Variants in IL17RE observed in about 807,000 individuals in gnomAD.
IL17RE encodes interleukin 17 receptor E.
In IL17RE, 47 loss-of-function variants were observed where a neutral mutation model predicts 70.7. That is an observed-to-expected ratio of 0.67 (90% confidence interval 0.53 to 0.85). The LOEUF (loss-of-function observed/expected upper bound fraction) is 0.85. Among genes scored for constraint, IL17RE ranks in the 40% least tolerant of loss-of-function variants. The pLI is 0.00. For synonymous variants in IL17RE, 372 were observed against 381.2 expected (o/e 0.98, Z 0.28); for missense variants, 850 against 893.9 (o/e 0.95, Z 0.63).
In IL17RE at chr3:9,902,930, C is replaced by T; in HGVS notation, c.-3C>T. ...TCCGGGAGCCCTAATTGCACAGAAGCCCATGGGGAGCTCCAGACTGGCAGC... is the reference window on the plus strand; with the variant it reads ...TCCGGGAGCCCTAATTGCACAGAAGTCCATGGGGAGCTCCAGACTGGCAGC... On this transcript the variant is annotated 5_prime_UTR_variant, in exon 1 of 16. Coordinates refer to ENST00000383814, the MANE Select transcript of IL17RE (RefSeq NM_153480.2). The T allele has an allele frequency of 2.5e-6, 4 of 1,614,228 alleles. No individual in the cohort carries two copies. The highest frequency in any genetic ancestry group is 3.4e-6 in the Non-Finnish European group (4 of 1,180,030).
Position 9,915,318 on chromosome 3 carries a change from G to A in IL17RE, c.1515G>A (p.Val505=). The change falls in exon 16 of 16, where the codon GTG becomes GTA. Residue 505 remains valine, a synonymous_variant. Transcript: ENST00000383814. This position sits in a 1 kb window ranked among gnomAD's most constrained non-coding sequence, Gnocchi z 4.9. ...AADSEAQRRL[V]GALAELLRAA... ...ACTCGGAGGCGCAGCGGCGCCTGGT[G>A]GGAGCGCTGGCTGAACTGCTACGGG... 1 of 1,392,908 alleles carries A rather than the reference G, an allele frequency of 7.2e-7. No homozygotes were observed. Among genetic ancestry groups the A allele is most frequent in the South Asian group, 1.6e-5 (1 of 62,002 alleles). 86.3% of individuals were successfully genotyped at this position (1,392,908 alleles called of 1,614,324 possible). A position where few individuals can be genotyped will look rare whatever the true frequency, so the allele number is the denominator to read the frequency against.
At chr3:9,902,348 G>T (rs959142869), upstream of IL17RE, among the ~76,000 whole-genome samples, 1 of 152,134 alleles carries the variant, frequency 6.6e-6, no homozygotes, top group African/African-American at 2.4e-5. Flanking sequence ...GAGAGAACTC[G>T]GCTATAGTCC....
intron 1 of IL17RE, 150 bp downstream of exon 1, chr3:9,903,214 T>A: frequency 1.1e-6 from 1 of 950,030 alleles, no homozygotes. Flanking sequence ...GTAGCCAAGG[T>A]CCTTTGTGCT....
Position 9,916,021 on chromosome 3 carries a change from T to A in IL17RE, c.*214T>A. ...ATACTTTCCCTTGACTGAGAGCTCC[T>A]CTAACCCCTGTTCTGATGGGGGAGG... On this transcript the variant is annotated 3_prime_UTR_variant, in exon 16 of 16. Coordinates refer to ENST00000383814, the MANE Select transcript of IL17RE (RefSeq NM_153480.2). 1 of 787,084 alleles carries A rather than the reference T, an allele frequency of 1.3e-6. No individual in the cohort carries two copies. Among genetic ancestry groups the A allele is most frequent in the Non-Finnish European group, 1.8e-6 (1 of 558,472 alleles). 48.8% of individuals were successfully genotyped at this position (787,084 alleles called of 1,614,324 possible). A position where few individuals can be genotyped will look rare whatever the true frequency, so the allele number is the denominator to read the frequency against.
In IL17RE at chr3:9,904,090, G is replaced by C. The variant is rs1381017987; in HGVS notation, c.207G>C (p.Trp69Cys). Reference sequence around the variant, plus strand: ...GGGCCCTCTTCTCCACAAAGCCTTGGTGTGTGCGAGTCTGGCACTGTTCCC... The same window carrying C: ...GGGCCCTCTTCTCCACAAAGCCTTGCTGTGTGCGAGTCTGGCACTGTTCCC... Reference protein sequence around the residue: ...TWWALFSTKPWCVRVWHCSRC... With the variant: ...TWWALFSTKPCCVRVWHCSRC... The change falls in exon 3 of 16, where the codon TGG becomes TGC. Residue 69 changes from tryptophan to cysteine, a missense_variant. By Grantham distance (215) the Trp-to-Cys change is radical. Transcript: ENST00000383814. 1 of 1,614,180 alleles carries C rather than the reference G, an allele frequency of 6.2e-7. No individual in the cohort carries two copies. The highest frequency in any genetic ancestry group is 2.2e-5 in the East Asian group (1 of 44,882).
chr3:9,909,162 G>T, intron 7 of IL17RE, 55 bp from the exon 8 acceptor site: 2 of 1,438,154 alleles, frequency 1.4e-6, no homozygotes, highest in South Asian at 2.3e-5. Context: ...TTAGGTCTGA[G>T]TGAGATTGGA....
At chr3:9,907,527 G>A (rs279578) in intron 6 of IL17RE, among the ~76,000 whole-genome samples, 76,298 of 151,986 alleles carry the variant, frequency 0.5, 19,814 homozygotes, top group Middle Eastern at 0.56. Context: ...AATGAGCAGA[G>A]AGATTAGTAT....
In IL17RE at chr3:9,910,942, C is replaced by T. The variant is rs369298897; in HGVS notation, c.880C>T (p.Arg294Cys). 10 of 1,614,174 alleles carry T rather than the reference C, an allele frequency of 6.2e-6. No homozygotes were observed. The highest frequency in any genetic ancestry group is 1.3e-5 in the African/African-American group (1 of 75,048). The stretch of plus-strand genomic sequence containing the variant: ...TCAGATGGTCATGGCCCTGACACTC[C>T]GCTGCCCACTGAAGCTGGAAGCTGC... ...HTQMVMALTL[R>C]CPLKLEAALC... The change falls in exon 9 of 16, where the codon CGC becomes TGC. Residue 294 changes from arginine to cysteine, a missense_variant. Transcript: ENST00000383814.
rs1575483537 is a variant in IL17RE at position 9,907,108 on chromosome 3, G to A, written c.666+8G>A. 1.9e-6 allele frequency: 3 copies of A among 1,614,134 alleles called. No homozygotes were observed. Among genetic ancestry groups the A allele is most frequent in the Non-Finnish European group, 2.5e-6 (3 of 1,180,034 alleles). ...AGTCCCTATGATGTCCAGGTATGGT[G>A]TGTCATCCCCCTGTAAAAAGCCCGA... On this transcript the variant is annotated splice_region_variant and intron_variant, in intron 6 of 15. Coordinates refer to ENST00000383814, the MANE Select transcript of IL17RE (RefSeq NM_153480.2).
chr3:9,905,942 C>A (rs2082743486), intron 3 of IL17RE, among the ~76,000 whole-genome samples: 2 of 152,160 alleles, frequency 1.3e-5, no homozygotes, highest in Non-Finnish European at 2.9e-5. Flanking sequence ...AGCTTGACAT[C>A]CTTACCCTCC....
At position 9,913,334 on chromosome 3, in the gene IL17RE, G is replaced by A. The variant is rs148007852; in HGVS notation, c.1228-622G>A. Among the ~76,000 whole-genome samples the A allele has an allele frequency of 2.2e-3, 336 of 152,078 alleles. 2 individuals are homozygous for A. Among genetic ancestry groups the A allele is most frequent in the African/African-American group, 7.7e-3 (318 of 41,472 alleles). On this transcript the variant is annotated intron_variant, in intron 12 of 15. Transcript: ENST00000383814. Reference sequence around the variant, plus strand: ...CAGGAGAATAGCTTGAACCCAGGAGGTGGAGGTTGCAGTGAGCCAAGATTG... The same window carrying A: ...CAGGAGAATAGCTTGAACCCAGGAGATGGAGGTTGCAGTGAGCCAAGATTG...
intron 12 of IL17RE, 59 bp downstream of exon 12, chr3:9,911,656 G>T: frequency 6.7e-7 from 1 of 1,498,336 alleles, no homozygotes; most frequent in South Asian, 1.2e-5. Context: ...ATTTCCTTGT[G>T]ACCTCATTGA....
chr3:9,906,330 A>G, intron 3 of IL17RE, 34 bp from the exon 4 acceptor site: 5 of 1,318,132 alleles, frequency 3.8e-6, no homozygotes, highest in South Asian at 1.2e-5. Context: ...GGGGGTAATG[A>G]GGGCTAGATA....
intron 12 of IL17RE, 193 bp downstream of exon 12, chr3:9,911,790 C>T: frequency 4.2e-6 from 2 of 480,294 alleles, no homozygotes; most frequent in South Asian, 4.2e-5. Flanking sequence ...GGAGCATTTT[C>T]TTTTTTTTCT....
In IL17RE at chr3:9,909,261, C is replaced by G; in HGVS notation, c.780C>G (p.Pro260=). The change falls in exon 8 of 16, where the codon CCC becomes CCG. Residue 260 remains proline (P), a synonymous_variant. Coordinates refer to ENST00000383814, the MANE Select transcript of IL17RE (RefSeq NM_153480.2). ...QEDTVRRKKC[P]FQSWPEAYGS... Reference sequence around the variant, plus strand: ...ACACTGTGAGGCGCAAAAAATGTCCCTTCCAGAGCTGGCCAGAAGCCTGTG... The same window carrying G: ...ACACTGTGAGGCGCAAAAAATGTCCGTTCCAGAGCTGGCCAGAAGCCTGTG... 6.2e-7 allele frequency: 1 copy of G among 1,614,070 alleles called. No homozygotes were observed. The highest frequency in any genetic ancestry group is 8.5e-7 in the Non-Finnish European group (1 of 1,179,988).
At chr3:9,905,179 G>C (rs1484578390) in intron 3 of IL17RE, among the ~76,000 whole-genome samples, 2 of 152,064 alleles carry the variant, frequency 1.3e-5, no homozygotes, top group African/African-American at 4.8e-5. Context: ...TACAGGGCTG[G>C]GCACAGTGGC....
upstream of IL17RE, chr3:9,902,541 G>C (rs962382363): frequency 7.1e-6 from 9 of 1,268,434 alleles, no homozygotes; most frequent in Non-Finnish European, 7.8e-6. Flanking sequence ...ATGTCTATGG[G>C]AGACACAAGT....
At chr3:9,913,158 A>C (rs2082932223) in intron 12 of IL17RE, among the ~76,000 whole-genome samples, 1 of 152,186 alleles carries the variant, frequency 6.6e-6, no homozygotes, top group African/African-American at 2.4e-5. Context: ...TAATTCCAGC[A>C]TTTTGGGAGG....
chr3:9,906,604 A>T, intron 4 of IL17RE, 102 bp from the exon 5 acceptor site: 1 of 1,468,658 alleles, frequency 6.8e-7, no homozygotes, highest in Admixed American at 1.8e-5. Flanking sequence ...AGGCCAAAAG[A>T]GTTTGAGCAA....
Sources: gnomAD v4.1 joint callset for allele counts (sites outside exome capture counted in the v4.1 genomes callset) on GRCh38, gnomAD v4.1.1 for gene constraint, Gnocchi (gnomAD v3.1) non-coding constraint, MANE v1.5 for transcripts, NCBI Gene and HGNC (gene_info 2026-07-23, HGNC 2026-07-21) for gene names.